ABLIM1: variants seen among roughly 807,000 people sequenced by gnomAD.
ABLIM1 encodes actin-binding LIM protein 1.
ABLIM1 carries 40 observed loss-of-function variants against 107.0 expected under a neutral mutation model. The observed-to-expected ratio is 0.37, with a 90% CI of 0.29 to 0.49. The LOEUF (loss-of-function observed/expected upper bound fraction) is 0.49. Ranked by LOEUF, ABLIM1 falls within the 20% of genes least tolerant of loss-of-function variation. The pLI, the probability that ABLIM1 is intolerant of heterozygous loss-of-function variation, is 0.97. For synonymous variants in ABLIM1, 357 were observed against 357.3 expected (o/e 1.00, Z 0.01); for missense variants, 857 against 1,008.5 (o/e 0.85, Z 2.04).
intron 1 of ABLIM1, among the ~76,000 whole-genome samples, chr10:114,735,530 C>G (rs1015960954): frequency 2.6e-5 from 4 of 152,114 alleles, no homozygotes; most frequent in African/African-American, 9.7e-5. Context: ...AGTGCAGTGG[C>G]GCGATCTCGG....
At chr10:114,615,436 C>T (rs1336323065) in intron 1 of ABLIM1, 1 of 365,482 alleles carries the variant, frequency 2.7e-6, no homozygotes, top group African/African-American at 2.1e-5. Context: ...TCTCCCTGAA[C>T]TACCTTGTTA....
chr10:114,635,253 CA>C (rs2078418989), intron 1 of ABLIM1, among the ~76,000 whole-genome samples: 1 of 152,190 alleles, frequency 6.6e-6, no homozygotes, highest in Non-Finnish European at 1.5e-5. Context: ...GGACAGAAAC[CA>C]TTTTGTTGGA....
chr10:114,797,924 T>C, the ABLIM1 span, among the ~76,000 whole-genome samples: 3 of 152,208 alleles, frequency 2.0e-5, no homozygotes, highest in Admixed American at 6.5e-5. Context: ...TTTTTGTCCA[T>C]ATATACACAA....
At chr10:114,692,102 A>C (rs975023450) in intron 1 of ABLIM1, among the ~76,000 whole-genome samples, 1 of 152,212 alleles carries the variant, frequency 6.6e-6, no homozygotes, top group African/African-American at 2.4e-5. Context: ...TAAGAATAAG[A>C]ATGCTACTCC....
Position 114,589,528 on chromosome 10 carries a change from C to CAA in ABLIM1, c.379+12297_379+12298dup, listed in dbSNP as rs769527282. 3.3e-4 allele frequency among the ~76,000 whole-genome samples: 43 copies of CAA among 130,894 alleles called. 1 individual carries two copies. Among genetic ancestry groups the CAA allele is most frequent in the Admixed American group, 2.8e-3 (36 of 12,956 alleles). 85.9% of individuals were successfully genotyped at this position (130,894 alleles called of 152,430 possible). On this transcript the variant is annotated intron_variant, in intron 2 of 22. Transcript: ENST00000533213. ...TGGGCAATAGAGTGAGACTCTGTCT[C>CAA]AAAAAAAAAAAAAGAGAGAGAGAGA...
intron 1 of ABLIM1, among the ~76,000 whole-genome samples, chr10:114,607,683 T>C (rs2076519605): frequency 6.6e-6 from 1 of 151,996 alleles, no homozygotes; most frequent in South Asian, 2.1e-4. Context: ...CCCTATGAAA[T>C]CATGAGAAAA....
intron 2 of ABLIM1, among the ~76,000 whole-genome samples, chr10:114,593,826 A>T (rs1378374456): frequency 2.0e-5 from 3 of 152,182 alleles, no homozygotes; most frequent in African/African-American, 7.2e-5. Context: ...ACAAGACCTT[A>T]CCCTGTTCCA....
intron 17 of ABLIM1, among the ~76,000 whole-genome samples, chr10:114,443,617 T>C (rs145726951): frequency 2.4e-3 from 359 of 149,918 alleles, no homozygotes; most frequent in African/African-American, 8.5e-3. Flanking sequence ...CCGGCCTCTA[T>C]TGAAGATATT....
At chr10:114,464,298 G>C (rs2064657738) in intron 12 of ABLIM1, among the ~76,000 whole-genome samples, 1 of 150,316 alleles carries the variant, frequency 6.7e-6, no homozygotes, top group African/African-American at 2.5e-5. Flanking sequence ...CAATTCTCCT[G>C]TCTCAGCCTC....
chr10:114,607,901 T>C (rs189086784), intron 1 of ABLIM1, among the ~76,000 whole-genome samples: 3 of 152,190 alleles, frequency 2.0e-5, no homozygotes, highest in African/African-American at 7.2e-5. Context: ...GAAATCTGAA[T>C]AGTGTGGACT....
intron 12 of ABLIM1, among the ~76,000 whole-genome samples, chr10:114,463,755 C>T (rs373600725): frequency 6.6e-5 from 10 of 152,080 alleles, no homozygotes; most frequent in African/African-American, 2.4e-4. Context: ...CAAATTCAAC[C>T]CAGACCGAGG....
intron 2 of ABLIM1, among the ~76,000 whole-genome samples, chr10:114,578,288 C>T (rs892452973): frequency 1.3e-5 from 2 of 152,246 alleles, no homozygotes; most frequent in African/African-American, 4.8e-5. Flanking sequence ...ACACCCTTTC[C>T]TCACAGTTGC....
At chr10:114,618,948 G>A (rs537656340) in intron 1 of ABLIM1, among the ~76,000 whole-genome samples, 1 of 152,110 alleles carries the variant, frequency 6.6e-6, no homozygotes, top group African/African-American at 2.4e-5. Context: ...CCAATGGCAA[G>A]AAGCCACTCC....
At chr10:114,736,677 A>T (rs2082186634) in intron 1 of ABLIM1, among the ~76,000 whole-genome samples, 1 of 152,194 alleles carries the variant, frequency 6.6e-6, no homozygotes, top group Non-Finnish European at 1.5e-5. Flanking sequence ...GAGAAATATT[A>T]CTTCATATAT....
At chr10:114,636,991 C>T (rs550481571) in intron 1 of ABLIM1, among the ~76,000 whole-genome samples, 69 of 149,486 alleles carry the variant, frequency 4.6e-4, no homozygotes, top group African/African-American at 1.7e-3. Context: ...CGAAATTTCA[C>T]CACTGCACTC....
chr10:114,486,651 T>C (rs2058230574), intron 8 of ABLIM1, among the ~76,000 whole-genome samples: 2 of 152,176 alleles, frequency 1.3e-5, no homozygotes. Flanking sequence ...ACCCTAAGCT[T>C]GATGGGCGAA....
intron 1 of ABLIM1, among the ~76,000 whole-genome samples, chr10:114,649,622 T>G (rs1233016913): frequency 6.6e-6 from 1 of 152,016 alleles, no homozygotes; most frequent in African/African-American, 2.4e-5. Context: ...GAAAGGAATC[T>G]TCCTGCTGGC....
intron 8 of ABLIM1, among the ~76,000 whole-genome samples, chr10:114,476,576 G>T (rs949819974): frequency 3.3e-5 from 5 of 151,520 alleles, no homozygotes. Context: ...CTTGGGAGGC[G>T]GAGGGTGCAG....
At chr10:114,590,558 G>A (rs1048387106) in intron 2 of ABLIM1, among the ~76,000 whole-genome samples, 1 of 152,126 alleles carries the variant, frequency 6.6e-6, no homozygotes, top group Non-Finnish European at 1.5e-5. Context: ...CTCACTAAAG[G>A]TTCTGCTACT....
Sources: allele counts gnomAD v4.1 joint callset (sites outside exome capture counted in the v4.1 genomes callset), GRCh38; gene constraint gnomAD v4.1.1; transcripts MANE v1.5; gene names NCBI Gene and HGNC (gene_info 2026-07-23, HGNC 2026-07-21).